Variants in CPED1 observed in about 807,000 individuals in gnomAD.
CPED1 encodes the protein cadherin like and PC-esterase domain containing 1.
CPED1 carries 114 observed loss-of-function variants against 128.2 expected under a neutral mutation model. The observed-to-expected ratio is 0.89, with a 90% CI of 0.76 to 1.04. CPED1 has a LOEUF of 1.04. Ranked by LOEUF, CPED1 falls within the 50% of genes least tolerant of loss-of-function variation. The pLI is 0.00. For missense variants in CPED1, 1,211 were observed against 1,207.1 expected (o/e 1.00, Z -0.05); for synonymous variants, 462 against 426.7 (o/e 1.08, Z -1.02).
chr7:121,123,325 T>C (rs1161953159), intron 7 of CPED1, among the ~76,000 whole-genome samples: 4 of 152,184 alleles, frequency 2.6e-5, no homozygotes, highest in African/African-American at 9.6e-5. Context: ...CCACAGGCAA[T>C]CCAGGCCAAT....
At chr7:121,081,239 T>TA (rs1491007790) in intron 5 of CPED1, among the ~76,000 whole-genome samples, 1 of 152,122 alleles carries the variant, frequency 6.6e-6, no homozygotes, top group African/African-American at 2.4e-5. Context: ...CAGCAAACTA[T>TA]AAACGAAGTG....
At position 121,097,948 on chromosome 7, in the gene CPED1, C is replaced by T. The variant is rs1206045675; in HGVS notation, c.749+117C>T. Reference sequence around the variant, plus strand: ...ATGTGTGAATTATTAGTTTCTCTTACATAAATTTTCAGCTATCCTTTTTAA... The same window carrying T: ...ATGTGTGAATTATTAGTTTCTCTTATATAAATTTTCAGCTATCCTTTTTAA... On this transcript the variant is annotated intron_variant, in intron 6 of 22. Coordinates refer to ENST00000310396, the MANE Select transcript of CPED1 (RefSeq NM_024913.5). 6 of 990,382 alleles carry T rather than the reference C, an allele frequency of 6.1e-6. No individual in the cohort carries two copies. In the South Asian group the frequency reaches 1.1e-4, roughly 18 times the overall value. 61.3% of individuals were successfully genotyped at this position (990,382 alleles called of 1,614,324 possible). A position where few individuals can be genotyped will look rare whatever the true frequency, so the allele number is the denominator to read the frequency against.
chr7:121,196,900 GAAAGTTAAA>G (rs1029829646), intron 16 of CPED1, among the ~76,000 whole-genome samples: 14 of 151,896 alleles, frequency 9.2e-5, no homozygotes, highest in African/African-American at 3.1e-4. Context: ...AGTCAATCTG[GAAAGTTAAA>G]AAACACCATT....
intron 5 of CPED1, among the ~76,000 whole-genome samples, chr7:121,090,659 C>A (rs560706208): frequency 1.3e-5 from 2 of 152,168 alleles, no homozygotes; most frequent in African/African-American, 4.8e-5. Flanking sequence ...ATTAAAGAAT[C>A]GATGTGTTTA....
chr7:121,245,881 G>A (rs555460400), intron 18 of CPED1, among the ~76,000 whole-genome samples: 18 of 152,022 alleles, frequency 1.2e-4, no homozygotes, highest in African/African-American at 4.1e-4. Flanking sequence ...TAGTAGAGAC[G>A]GGGTTTCACT....
At chr7:121,123,241 A>T (rs1204710933) in intron 7 of CPED1, among the ~76,000 whole-genome samples, 1 of 152,182 alleles carries the variant, frequency 6.6e-6, no homozygotes, top group Non-Finnish European at 1.5e-5. Context: ...TCAACTGGAA[A>T]GTTTATGAAG....
chr7:121,012,291 G>A lies in CPED1; in HGVS notation c.250-3374G>A, dbSNP rs561151794. Among the ~76,000 whole-genome samples, 51 of 152,312 alleles carry A rather than the reference G, an allele frequency of 3.3e-4. No homozygotes were observed. The South Asian group carries it at 8.1e-3, about 24-fold the overall frequency. The stretch of plus-strand genomic sequence containing the variant: ...TGTCCAGTTATAAAACAACTTTTAT[G>A]TAGTCTAGCAAAGGGATTTCTAAGG... On this transcript the variant is annotated intron_variant, in intron 2 of 22. Coordinates refer to ENST00000310396, the MANE Select transcript of CPED1 (RefSeq NM_024913.5).
intron 4 of CPED1, among the ~76,000 whole-genome samples, chr7:121,059,166 A>G (rs1262137053): frequency 6.6e-6 from 1 of 152,160 alleles, no homozygotes; most frequent in African/African-American, 2.4e-5. Context: ...AAGCAGAGAG[A>G]TTGATTTCTA....
chr7:121,241,719 C>A (rs1798402114), intron 17 of CPED1, among the ~76,000 whole-genome samples: 1 of 152,106 alleles, frequency 6.6e-6, no homozygotes, highest in Admixed American at 6.6e-5. Flanking sequence ...AAAACTCTGA[C>A]CTCCATGACT....
At chr7:121,066,743 A>G (rs556914878) in intron 5 of CPED1, among the ~76,000 whole-genome samples, 1 of 152,264 alleles carries the variant, frequency 6.6e-6, no homozygotes, top group East Asian at 1.9e-4. Context: ...CTATCAGCAC[A>G]TGTACCAGTT....
intron 2 of CPED1, among the ~76,000 whole-genome samples, chr7:120,991,927 C>T (rs1796316228): frequency 6.6e-6 from 1 of 152,092 alleles, no homozygotes; most frequent in African/African-American, 2.4e-5. Flanking sequence ...CCTATGCCAG[C>T]CCCTGGATTA....
At chr7:121,244,120 T>C in intron 17 of CPED1, 82 bp from the exon 18 acceptor site, 1 of 1,497,406 alleles carries the variant, frequency 6.7e-7, no homozygotes, top group Non-Finnish European at 9.3e-7. Context: ...TCTGAAATGG[T>C]GTGCCATAGC....
chr7:121,283,240 T>C (rs1235244780), intron 22 of CPED1, among the ~76,000 whole-genome samples: 1 of 152,216 alleles, frequency 6.6e-6, no homozygotes, highest in Non-Finnish European at 1.5e-5. Context: ...CTACCTTATT[T>C]CACCATAAAC....
chr7:121,132,180 G>A (rs1795686532), intron 12 of CPED1, among the ~76,000 whole-genome samples: 1 of 151,962 alleles, frequency 6.6e-6, no homozygotes. Context: ...GAGGATGCAT[G>A]TTATATACAT....
rs71530055 is a variant in CPED1 at position 121,129,313 on chromosome 7, G to GTATA, written c.1408-793_1408-790dup. Among the ~76,000 whole-genome samples the GTATA allele has an allele frequency of 6.7e-3, 180 of 26,836 alleles. 1 individual carries two copies. The highest frequency in any genetic ancestry group is 0.011 in the South Asian group (12 of 1,056). 17.6% of individuals were successfully genotyped at this position (26,836 alleles called of 152,430 possible). ...TATATATATATATATATATATATAC[G>GTATA]TATATATATATATATATATATACGT... is the stretch of plus-strand genomic sequence containing the variant. On this transcript the variant is annotated intron_variant, in intron 11 of 22. Coordinates refer to ENST00000310396, the MANE Select transcript of CPED1 (RefSeq NM_024913.5).
intron 16 of CPED1, among the ~76,000 whole-genome samples, chr7:121,233,721 A>C (rs1457648546): frequency 6.6e-6 from 1 of 152,094 alleles, no homozygotes; most frequent in African/African-American, 2.4e-5. Context: ...GGTCTAAAGA[A>C]ATACTCAAAA....
At chr7:121,266,966 T>C (rs1792139087) in intron 20 of CPED1, among the ~76,000 whole-genome samples, 158 bp downstream of exon 20, 1 of 152,082 alleles carries the variant, frequency 6.6e-6, no homozygotes. Flanking sequence ...AATAGTCTTG[T>C]ATCCAGTCAC....
At chr7:121,047,926 T>C (rs1308374913) in intron 4 of CPED1, among the ~76,000 whole-genome samples, 1 of 151,992 alleles carries the variant, frequency 6.6e-6, no homozygotes, top group Non-Finnish European at 1.5e-5. Flanking sequence ...CAGGATGGTC[T>C]CGATTTCCTG....
chr7:121,105,250 A>G (rs1248156277), intron 7 of CPED1, among the ~76,000 whole-genome samples: 1 of 152,148 alleles, frequency 6.6e-6, no homozygotes, highest in Non-Finnish European at 1.5e-5. Context: ...TGTAGGGATG[A>G]AGTTAGCCTC....
Sources: gnomAD v4.1 joint callset for allele counts (sites outside exome capture counted in the v4.1 genomes callset) on GRCh38, gnomAD v4.1.1 for gene constraint, MANE v1.5 for transcripts, NCBI Gene and HGNC (gene_info 2026-07-23, HGNC 2026-07-21) for gene names.